THSD7B: variants seen among roughly 807,000 people sequenced by gnomAD.
THSD7B encodes the protein thrombospondin type-1 domain-containing protein 7B.
THSD7B carries 138 observed loss-of-function variants against 213.6 expected under a neutral mutation model. The observed-to-expected ratio is 0.65, with a 90% CI of 0.56 to 0.74. The LOEUF is 0.74. Among genes scored for constraint, THSD7B ranks in the 30% least tolerant of loss-of-function variants. The pLI, the probability that THSD7B is intolerant of heterozygous loss-of-function variation, is 0.00. For missense variants in THSD7B, 1,931 were observed against 1,991.5 expected, an observed-to-expected ratio of 0.97 and a Z score of 0.58; for synonymous variants, 742 against 687.0, an observed-to-expected ratio of 1.08 and a Z score of -1.25.
At chr2:137,207,974 C>G (rs943979165) in intron 7 of THSD7B, among the ~76,000 whole-genome samples, 1 of 152,016 alleles carries the variant, frequency 6.6e-6, no homozygotes. Flanking sequence ...GAAGTGTTCC[C>G]AGACCAAACA....
intron 3 of THSD7B, among the ~76,000 whole-genome samples, chr2:137,084,467 A>G (rs888889874): frequency 6.6e-6 from 1 of 152,182 alleles, no homozygotes; most frequent in African/African-American, 2.4e-5. Context: ...GTTGGGCACA[A>G]ATCTATGTAT....
intron 2 of THSD7B, among the ~76,000 whole-genome samples, chr2:136,996,569 C>A (rs997665218): frequency 4.6e-5 from 7 of 152,040 alleles, no homozygotes; most frequent in Non-Finnish European, 7.4e-5. Flanking sequence ...TAGTCTTAAA[C>A]CCCTGGGCTC....
chr2:137,374,480 A>G (rs1009782992), intron 12 of THSD7B, among the ~76,000 whole-genome samples: 1 of 152,212 alleles, frequency 6.6e-6, no homozygotes, highest in African/African-American at 2.4e-5. Flanking sequence ...ACGTGAAAGT[A>G]TATTCGAGTT....
At chr2:136,971,091 T>A (rs971687617) in intron 2 of THSD7B, among the ~76,000 whole-genome samples, 1 of 152,032 alleles carries the variant, frequency 6.6e-6, no homozygotes, top group Admixed American at 6.6e-5. Context: ...ATACATGAAA[T>A]CTGGACACAA....
At chr2:137,472,188 T>C (rs1688107522) in intron 15 of THSD7B, among the ~76,000 whole-genome samples, 1 of 152,128 alleles carries the variant, frequency 6.6e-6, no homozygotes, top group African/African-American at 2.4e-5. Context: ...GAATATGAGA[T>C]TTGTGGAAAG....
At chr2:136,853,955 G>T (rs1376836689) in intron 1 of THSD7B, among the ~76,000 whole-genome samples, 1 of 152,100 alleles carries the variant, frequency 6.6e-6, no homozygotes, top group African/African-American at 2.4e-5. Context: ...GCTGATTTGT[G>T]TTCTTTTAAC....
intron 2 of THSD7B, among the ~76,000 whole-genome samples, chr2:137,004,309 AC>A (rs1686061460): frequency 8.7e-6 from 1 of 115,376 alleles, no homozygotes; most frequent in African/African-American, 2.9e-5. Context: ...ACACACACAC[AC>A]ACACACACAC....
In THSD7B at chr2:136,993,650, T is replaced by C. The variant is rs189610057; in HGVS notation, c.140-62770T>C. Among the ~76,000 whole-genome samples, 8 of 152,304 alleles carry C rather than the reference T, an allele frequency of 5.3e-5. No individual in the cohort carries two copies. The East Asian group carries it at 1.5e-3, about 29-fold the overall frequency. ...AATGAGAAGGTAATTCATACACATT[T>C]GAAATACTCTGTGGCCCAAATCTGT... On this transcript the variant is annotated intron_variant, in intron 2 of 27. Transcript: ENST00000409968.
intron 1 of THSD7B, among the ~76,000 whole-genome samples, chr2:136,782,014 T>C (rs981992073): frequency 4.6e-5 from 7 of 152,220 alleles, no homozygotes; most frequent in African/African-American, 1.7e-4. Flanking sequence ...AAAACTTCCA[T>C]AGTGACACGT....
chr2:137,370,084 T>C (rs890538600), intron 12 of THSD7B, among the ~76,000 whole-genome samples: 2 of 152,026 alleles, frequency 1.3e-5, no homozygotes, highest in African/African-American at 4.8e-5. Flanking sequence ...CCTTTATATT[T>C]TATTGACAAA....
chr2:137,421,700 T>A (rs973442756), intron 14 of THSD7B, among the ~76,000 whole-genome samples: 1 of 151,904 alleles, frequency 6.6e-6, no homozygotes, highest in African/African-American at 2.4e-5. Context: ...CTGGGGAGGG[T>A]CTTAACACCC....
intron 20 of THSD7B, among the ~76,000 whole-genome samples, chr2:137,640,514 A>G (rs1281278725): frequency 6.6e-6 from 1 of 152,238 alleles, no homozygotes; most frequent in Non-Finnish European, 1.5e-5. Flanking sequence ...ACCCAGCAGC[A>G]TAATTAATGA....
chr2:137,415,814 T>C (rs949915742), intron 14 of THSD7B, among the ~76,000 whole-genome samples: 8 of 152,070 alleles, frequency 5.3e-5, no homozygotes, highest in Non-Finnish European at 8.8e-5. Context: ...CAAGTCTTTC[T>C]GATTCCTCTA....
intron 12 of THSD7B, among the ~76,000 whole-genome samples, chr2:137,363,695 T>G (rs1439513106): frequency 2.0e-5 from 3 of 152,164 alleles, no homozygotes; most frequent in Admixed American, 2.0e-4. Flanking sequence ...CAGGAAGAAG[T>G]TGAATCAGTG....
chr2:136,891,917 T>A (rs1183399744), intron 2 of THSD7B, among the ~76,000 whole-genome samples: 1 of 152,136 alleles, frequency 6.6e-6, no homozygotes, highest in African/African-American at 2.4e-5. Context: ...TCTTGTGCCA[T>A]TGTAATCAGC....
intron 12 of THSD7B, among the ~76,000 whole-genome samples, chr2:137,364,683 G>T (rs749344460): frequency 4.6e-5 from 7 of 152,056 alleles, no homozygotes; most frequent in Admixed American, 3.3e-4. Context: ...CAACTTACAA[G>T]GGAGGTGAAA....
At chr2:137,242,923 C>T (rs1681944182) in intron 10 of THSD7B, among the ~76,000 whole-genome samples, 1 of 152,202 alleles carries the variant, frequency 6.6e-6, no homozygotes, top group South Asian at 2.1e-4. Context: ...TGTGTCTGGA[C>T]CCCAGTTCCA....
At chr2:137,144,384 CTAATT>C (rs1433265744) in intron 5 of THSD7B, among the ~76,000 whole-genome samples, 1 of 152,032 alleles carries the variant, frequency 6.6e-6, no homozygotes, top group African/African-American at 2.4e-5. Flanking sequence ...TATAACCACA[CTAATT>C]TATTTATGTG....
chr2:137,144,500 A>T (rs1283824120), intron 5 of THSD7B, among the ~76,000 whole-genome samples: 1 of 151,988 alleles, frequency 6.6e-6, no homozygotes, highest in African/African-American at 2.4e-5. Context: ...GCTTTTGCAG[A>T]CTCAGTATCA....
Sources: allele counts gnomAD v4.1 joint callset (sites outside exome capture counted in the v4.1 genomes callset), GRCh38; gene constraint gnomAD v4.1.1; transcripts MANE v1.5; gene names NCBI Gene and HGNC (gene_info 2026-07-23, HGNC 2026-07-21).